Variants in MIB1 observed in about 807,000 individuals in gnomAD.
MIB1 encodes E3 ubiquitin-protein ligase MIB1.
Under a neutral mutation model 124.5 loss-of-function variants are expected in MIB1, and 278 were observed. The observed-to-expected ratio is 2.23, with a 90% confidence interval of 2.02 to 2.47. MIB1 has a LOEUF of 2.47. Ranked by LOEUF, MIB1 falls within the 30% of genes most tolerant of loss-of-function variation. The pLI is 0.00. For missense variants in MIB1, 957 were observed against 1,254.4 expected (o/e 0.76, Z 3.58); for synonymous variants, 446 against 429.4 (o/e 1.04, Z -0.48).
chr18:21,724,262 A>G (rs1005447109), intron 1 of MIB1: 1 of 152,248 alleles, frequency 6.6e-6, no homozygotes, highest in Non-Finnish European at 1.5e-5. Flanking sequence ...GATACAGACT[A>G]TATCCTTATC....
intron 13 of MIB1, among the ~76,000 whole-genome samples, chr18:21,839,339 TATG>T (rs1308693137): frequency 2.6e-5 from 4 of 152,346 alleles, no homozygotes; most frequent in East Asian, 3.9e-4. Flanking sequence ...CTCTGTTAAT[TATG>T]ATAATTCCTT....
chr18:21,840,372 T>C (rs996724510), intron 13 of MIB1, among the ~76,000 whole-genome samples: 1 of 151,924 alleles, frequency 6.6e-6, no homozygotes, highest in African/African-American at 2.4e-5. Context: ...TTCCCACAAA[T>C]AGGGCTAAAC....
chr18:21,781,409 AT>A (rs2041365386), intron 6 of MIB1, among the ~76,000 whole-genome samples: 3 of 87,116 alleles, frequency 3.4e-5, no homozygotes, highest in African/African-American at 5.2e-5. Flanking sequence ...ATATATATAT[AT>A]ATATAAAATT....
chr18:21,839,789 A>G (rs539412104), intron 13 of MIB1, among the ~76,000 whole-genome samples: 2 of 152,270 alleles, frequency 1.3e-5, no homozygotes, highest in South Asian at 2.1e-4. Flanking sequence ...TGTCCATATA[A>G]ATTTTAGAAT....
chr18:21,825,095 A>G (rs74919332), intron 12 of MIB1, among the ~76,000 whole-genome samples: 2,468 of 152,152 alleles, frequency 0.016, 38 homozygotes, highest in East Asian at 0.069. Flanking sequence ...TTGAAGACTA[A>G]AAACCTTTGA....
At position 21,815,776 on chromosome 18, in the gene MIB1, A is replaced by C; in HGVS notation, c.1640A>C (p.Lys547Thr). 1 of 1,614,172 alleles carries C rather than the reference A, an allele frequency of 6.2e-7. No individual in the cohort carries two copies. Among genetic ancestry groups the C allele is most frequent in the South Asian group, 1.1e-5 (1 of 91,086 alleles). The change falls in exon 11 of 21, where the codon AAG (lysine) becomes ACG (threonine). Residue 547 changes from lysine to threonine, a missense_variant. Physicochemically the swap from Lys to Thr is moderately conservative, Grantham distance 78. Transcript: ENST00000261537. Reference protein sequence around the residue: ...AVNKGHLQVVKTLLDFGCHPS... With the variant: ...AVNKGHLQVVTTLLDFGCHPS... ...AATAAAGGTCATCTTCAAGTTGTGA[A>C]GACTTTATTGGACTTTGGCTGTCAT...
At chr18:21,819,473 GA>G (rs771164228) in intron 11 of MIB1, 21 bp from the exon 12 acceptor site, 65 of 1,511,942 alleles carry the variant, frequency 4.3e-5, no homozygotes, top group Non-Finnish European at 5.6e-5. Flanking sequence ...AAGAACTAAT[GA>G]AAATTTCTTT....
intron 6 of MIB1, among the ~76,000 whole-genome samples, chr18:21,786,687 GTTT>G (rs1196391433): frequency 6.6e-6 from 1 of 151,776 alleles, no homozygotes; most frequent in Admixed American, 6.6e-5. Context: ...CAGTCCCACT[GTTT>G]TTATTTTTTT....
chr18:21,840,631 A>G (rs1025480457), intron 13 of MIB1, among the ~76,000 whole-genome samples: 6 of 5,816 alleles, frequency 1.0e-3, no homozygotes, highest in Admixed American at 2.5e-3. Flanking sequence ...TCTACTGTAT[A>G]TATATATATA....
At chr18:21,809,126 G>A (rs2041742019) in intron 10 of MIB1, among the ~76,000 whole-genome samples, 2 of 152,038 alleles carry the variant, frequency 1.3e-5, no homozygotes, top group Non-Finnish European at 2.9e-5. Flanking sequence ...TTATAAGAGA[G>A]TACTATGAAC....
At chr18:21,842,381 T>C (rs2042099062) in intron 13 of MIB1, among the ~76,000 whole-genome samples, 1 of 152,230 alleles carries the variant, frequency 6.6e-6, no homozygotes, top group African/African-American at 2.4e-5. Context: ...AGACATTTGC[T>C]AGGCATTTTC....
At chr18:21,706,182 C>T (rs191755394) in intron 1 of MIB1, among the ~76,000 whole-genome samples, 45 of 152,216 alleles carry the variant, frequency 3.0e-4, no homozygotes, top group African/African-American at 1.1e-3. Flanking sequence ...CCCGGGTTCA[C>T]GTGATTCTCC....
intron 1 of MIB1, among the ~76,000 whole-genome samples, chr18:21,732,053 C>T (rs951571014): frequency 6.6e-6 from 1 of 151,560 alleles, no homozygotes; most frequent in Non-Finnish European, 1.5e-5. Context: ...GTGGCAGGCG[C>T]GGTGGCTCAT....
At chr18:21,704,935 C>T, upstream of MIB1, 1 of 288,852 alleles carries the variant, frequency 3.5e-6, no homozygotes. Context: ...GTTCCAAGAC[C>T]GGCCACCGGG....
chr18:21,864,791 T>G lies in MIB1; in HGVS notation c.*125T>G. 1.5e-6 allele frequency: 1 copy of G among 656,358 alleles called. No individual in the cohort carries two copies. The highest frequency in any genetic ancestry group is 1.8e-5 in the African/African-American group (1 of 55,470). 40.7% of individuals were successfully genotyped at this position (656,358 alleles called of 1,614,324 possible). A position where few individuals can be genotyped will look rare whatever the true frequency, so the allele number is the denominator to read the frequency against. ...TCATAGTTTCTTTACTAGAGTATAATTGGGCTGTAAATGTACCAGAACAAA... is the reference window on the plus strand; with the variant it reads ...TCATAGTTTCTTTACTAGAGTATAAGTGGGCTGTAAATGTACCAGAACAAA... On this transcript the variant is annotated 3_prime_UTR_variant, in exon 21 of 21. Coordinates refer to ENST00000261537, the MANE Select transcript of MIB1 (RefSeq NM_020774.4).
At position 21,768,621 on chromosome 18, in the gene MIB1, A is replaced by C; in HGVS notation, c.402-2A>C. 1 of 1,528,172 alleles carries C rather than the reference A, an allele frequency of 6.5e-7. No individual in the cohort carries two copies. Among genetic ancestry groups the C allele is most frequent in the Non-Finnish European group, 8.8e-7 (1 of 1,133,182 alleles). The allele number at this position is 1,528,172 out of a possible 1,614,324, so 94.7% of individuals were successfully genotyped here. On this transcript the variant is annotated splice_acceptor_variant, in intron 2 of 20. Coordinates refer to ENST00000261537, the MANE Select transcript of MIB1 (RefSeq NM_020774.4). LOFTEE classifies it high-confidence loss of function. ...CTTGAAAATAAATAATTTTATTTTT[A>C]GGGTTCTGTTAGAGTCTCGTAGGAA...
At chr18:21,833,153 C>G (rs1196144865) in intron 12 of MIB1, among the ~76,000 whole-genome samples, 4 of 152,148 alleles carry the variant, frequency 2.6e-5, no homozygotes, top group Non-Finnish European at 5.9e-5. Flanking sequence ...AGCTCTTCAC[C>G]ACTATGCCAC....
In MIB1 at chr18:21,849,181, A is replaced by G; in HGVS notation, c.2394-15A>G. The G allele has an allele frequency of 6.8e-7, 1 of 1,480,866 alleles. No homozygotes were observed. Among genetic ancestry groups the G allele is most frequent in the South Asian group, 1.4e-5 (1 of 73,510 alleles). 91.7% of individuals were successfully genotyped at this position (1,480,866 alleles called of 1,614,324 possible). A position where few individuals can be genotyped will look rare whatever the true frequency, so the allele number is the denominator to read the frequency against. On this transcript the variant is annotated splice_polypyrimidine_tract_variant and intron_variant, in intron 16 of 20. Transcript: ENST00000261537. Reference sequence around the variant, plus strand: ...TAATAAGATAGGCTTGATTTGAAATACTTTCTTTTATTAGTGGTCAAGTGG... The same window carrying G: ...TAATAAGATAGGCTTGATTTGAAATGCTTTCTTTTATTAGTGGTCAAGTGG...
chr18:21,809,466 C>T (rs1325487512), intron 10 of MIB1, among the ~76,000 whole-genome samples: 1 of 152,016 alleles, frequency 6.6e-6, no homozygotes, highest in Non-Finnish European at 1.5e-5. Context: ...AAACTACAGA[C>T]CAATATACCA....
Sources: allele counts gnomAD v4.1 joint callset (sites outside exome capture counted in the v4.1 genomes callset), GRCh38; gene constraint gnomAD v4.1.1; transcripts MANE v1.5; gene names NCBI Gene and HGNC (gene_info 2026-07-23, HGNC 2026-07-21).